GCNT3: variants seen among roughly 807,000 people sequenced by gnomAD.
GCNT3 encodes glucosaminyl (N-acetyl) transferase 3, mucin type, also known as beta-1,3-galactosyl-O-glycosyl-glycoprotein beta-1,6-N-acetylglucosaminyltransferase 3.
For synonymous variants in GCNT3, 269 were observed against 195.2 expected (o/e 1.38, Z -3.15); for missense variants, 708 against 530.3 (o/e 1.34, Z -3.29).
rs773494709 is a variant in GCNT3, at chr15:59,618,741, C to A, written c.503C>A (p.Ser168Tyr). 6.2e-7 allele frequency: 1 copy of A among 1,613,960 alleles called. No individual in the cohort carries two copies. The highest frequency in any genetic ancestry group is 1.3e-5 in the African/African-American group (1 of 74,880). Reference protein sequence around the residue: ...NIYCVHVDEKSPETFKEAVKA... With the variant: ...NIYCVHVDEKYPETFKEAVKA... ...TACTGTGTCCATGTGGATGAGAAGTCCCCAGAAACTTTCAAAGAGGCGGTC... is the reference window on the plus strand; with the variant it reads ...TACTGTGTCCATGTGGATGAGAAGTACCCAGAAACTTTCAAAGAGGCGGTC... The change falls in exon 3 of 3, where the codon TCC becomes TAC. Residue 168 changes from serine (S) to tyrosine (Y), a missense_variant. Transcript: ENST00000396065.
At position 59,619,459 on chromosome 15, in the gene GCNT3, G is replaced by T. The variant is rs1354884797; in HGVS notation, c.1221G>T (p.Leu407=). 4 of 1,614,036 alleles carry T rather than the reference G, an allele frequency of 2.5e-6. No individual in the cohort carries two copies. The highest frequency in any genetic ancestry group is 3.4e-6 in the Non-Finnish European group (4 of 1,180,026). Residue 407 remains leucine (L), a synonymous_variant, in exon 3 of 3, where the codon CTG becomes CTT. Transcript: ENST00000396065. ...DLNWMLQNHH[L]LANKFDPKVD... is the part of the protein sequence containing the mutation. ...ATTGGATGCTTCAAAACCATCACCTGTTGGCCAACAAGTTTGACCCAAAGG... is the reference window on the plus strand; with the variant it reads ...ATTGGATGCTTCAAAACCATCACCTTTTGGCCAACAAGTTTGACCCAAAGG...
Position 59,618,179 on chromosome 15 carries a change from G to T in GCNT3, c.-60G>T. Reference sequence around the variant, plus strand: ...CTGGAGGCATTTTGTTCTGTCCAAGGATTGTGTCCTCCTCCACCTTCCCTG... The same window carrying T: ...CTGGAGGCATTTTGTTCTGTCCAAGTATTGTGTCCTCCTCCACCTTCCCTG... On this transcript the variant is annotated splice_region_variant and 5_prime_UTR_variant, in exon 3 of 3. Coordinates refer to ENST00000396065, the MANE Select transcript of GCNT3 (RefSeq NM_004751.3). 1 of 923,874 alleles carries T rather than the reference G, an allele frequency of 1.1e-6. No homozygotes were observed. The highest frequency in any genetic ancestry group is 2.3e-5 in the Admixed American group (1 of 43,900). The allele number at this position is 923,874 out of a possible 1,614,324, so 57.2% of individuals were successfully genotyped here.
chr15:59,615,764 T>C (rs1342407433), intron 1 of GCNT3, among the ~76,000 whole-genome samples: 3 of 151,448 alleles, frequency 2.0e-5, no homozygotes, highest in Admixed American at 6.6e-5. Context: ...GGTGTGTGCC[T>C]GTGGTCCCAG....
chr15:59,618,559 C>T lies in GCNT3; in HGVS notation c.321C>T (p.Thr107=). ...PFTDTHYLSL[T]RDCEHFKAER... is the part of the protein sequence containing the mutation. ...CAGACACCCACTACCTCTCCCTCAC[C>T]AGAGACTGTGAGCACTTCAAGGCTG... The change falls in exon 3 of 3, where the codon ACC becomes ACT. Residue 107 remains threonine (T), a synonymous_variant. Coordinates refer to ENST00000396065, the MANE Select transcript of GCNT3 (RefSeq NM_004751.3). 6.2e-7 allele frequency: 1 copy of T among 1,614,100 alleles called. No individual in the cohort carries two copies. The highest frequency in any genetic ancestry group is 8.5e-7 in the Non-Finnish European group (1 of 1,179,978).
chr15:59,612,758 C>T (rs531831561), intron 1 of GCNT3, among the ~76,000 whole-genome samples: 3 of 152,218 alleles, frequency 2.0e-5, no homozygotes, highest in South Asian at 2.1e-4. Context: ...GCCTCACCCC[C>T]GATCTTCCTG....
rs72144814 is a variant in GCNT3 at position 59,621,586 on chromosome 15, A to ATTTTTTTTTTTTTTTTTTTTTT, written c.*2036_*2037insTTTTTTTTTTTTTTTTTTTTTT. 2.2e-5 allele frequency: 2 copies of ATTTTTTTTTTTTTTTTTTTTTT among 90,846 alleles called. No individual in the cohort carries two copies. The highest frequency in any genetic ancestry group is 4.0e-5 in the Non-Finnish European group (2 of 50,212). 5.6% of individuals were successfully genotyped at this position (90,846 alleles called of 1,614,324 possible). On this transcript the variant is annotated 3_prime_UTR_variant, in exon 3 of 3. Transcript: ENST00000396065. ...TCATTAATATGTTTCTTCCTTTCTG[A>ATTTTTTTTTTTTTTTTTTTTTT]TTTTTGTTTTTTTTTTTTTTTTTGA...
Position 59,616,724 on chromosome 15 carries a change from A to T in GCNT3, c.-218A>T, listed in dbSNP as rs1479472568. The T allele has an allele frequency of 6.6e-6, 1 of 152,180 alleles. No homozygotes were observed. The highest frequency in any genetic ancestry group is 1.5e-5 in the Non-Finnish European group (1 of 68,050). The allele number at this position is 152,180 out of a possible 1,614,324, so 9.4% of individuals were successfully genotyped here. ...AGAGGAGCCTGAAACTGTTCCTTGG[A>T]CATCTTATGAATGTCAGAAAATACC... On this transcript the variant is annotated 5_prime_UTR_variant, in exon 2 of 3. Coordinates refer to ENST00000396065, the MANE Select transcript of GCNT3 (RefSeq NM_004751.3).
In GCNT3 at chr15:59,618,314, G is replaced by C. The variant is rs773334215; in HGVS notation, c.76G>C (p.Ala26Pro). 1.2e-6 allele frequency: 2 copies of C among 1,613,584 alleles called. No individual in the cohort carries two copies. Among genetic ancestry groups the C allele is most frequent in the East Asian group, 4.5e-5 (2 of 44,880 alleles). ...LGCYMLLATV[A>P]LKLSFRLKCD... ...CTGCTATATGCTGCTGGCCACTGTG[G>C]CTCTGAAACTTTCTTTCAGGTTGAA... Residue 26 changes from alanine (A) to proline (P), a missense_variant, in exon 3 of 3, where the codon GCT becomes CCT. Transcript: ENST00000396065.
chr15:59,619,441 G>T lies in GCNT3; in HGVS notation c.1203G>T (p.Met401Ile). 1 of 1,614,122 alleles carries T rather than the reference G, an allele frequency of 6.2e-7. No homozygotes were observed. Among genetic ancestry groups the T allele is most frequent in the Non-Finnish European group, 8.5e-7 (1 of 1,180,000 alleles). The change falls in exon 3 of 3, where the codon ATG becomes ATT. Residue 401 changes from methionine to isoleucine, a missense_variant. Met to Ile is a conservative substitution (Grantham distance 10). Transcript: ENST00000396065. ...ATGGGGCTGGGGACTTGAATTGGAT[G>T]CTTCAAAACCATCACCTGTTGGCCA... Reference protein sequence around the residue: ...CVYGAGDLNWMLQNHHLLANK... With the variant: ...CVYGAGDLNWILQNHHLLANK...
At position 59,620,387 on chromosome 15, in the gene GCNT3, T is replaced by G. The variant is rs767724339; in HGVS notation, c.*832T>G. 1 of 167,040 alleles carries G rather than the reference T, an allele frequency of 6.0e-6. No homozygotes were observed. The highest frequency in any genetic ancestry group is 2.1e-4 in the South Asian group (1 of 4,820). The allele number at this position is 167,040 out of a possible 1,614,324, so 10.3% of individuals were successfully genotyped here. ...TTCACCATATTCGCCAGGCTGGTCTTGAACTCCTGACCTTGTGATCTGCCC... is the reference window on the plus strand; with the variant it reads ...TTCACCATATTCGCCAGGCTGGTCTGGAACTCCTGACCTTGTGATCTGCCC... On this transcript the variant is annotated 3_prime_UTR_variant, in exon 3 of 3. Coordinates refer to ENST00000396065, the MANE Select transcript of GCNT3 (RefSeq NM_004751.3).
In GCNT3 at chr15:59,619,322, A is replaced by T; in HGVS notation, c.1084A>T (p.Arg362Trp). ...YDISDMTSIARLVKWQGHEGD... is the reference protein window; with the variant it reads ...YDISDMTSIAWLVKWQGHEGD... The stretch of plus-strand genomic sequence containing the variant: ...CATCTCAGACATGACTTCTATTGCC[A>T]GGCTGGTCAAGTGGCAGGGTCATGA... The change falls in exon 3 of 3, where the codon AGG becomes TGG. Residue 362 changes from arginine to tryptophan, a missense_variant. Physicochemically the swap from Arg to Trp is moderately radical, Grantham distance 101. Coordinates refer to ENST00000396065, the MANE Select transcript of GCNT3 (RefSeq NM_004751.3). The T allele has an allele frequency of 6.2e-7, 1 of 1,614,152 alleles. No homozygotes were observed. Among genetic ancestry groups the T allele is most frequent in the Non-Finnish European group, 8.5e-7 (1 of 1,180,034 alleles).
intron 1 of GCNT3, chr15:59,616,383 A>T (rs1229908634): frequency 2.0e-5 from 3 of 152,192 alleles, no homozygotes; most frequent in Non-Finnish European, 4.4e-5. Flanking sequence ...CTCCCAAACA[A>T]AAGAAGGGAG....
chr15:59,618,545 T>C lies in GCNT3; in HGVS notation c.307T>C (p.Tyr103His), dbSNP rs769806927. 6.2e-7 allele frequency: 1 copy of C among 1,614,030 alleles called. No homozygotes were observed. Among genetic ancestry groups the C allele is most frequent in the African/African-American group, 1.3e-5 (1 of 74,920 alleles). ...GCGAGAGCCTTTCACAGACACCCACTACCTCTCCCTCACCAGAGACTGTGA... is the reference window on the plus strand; with the variant it reads ...GCGAGAGCCTTTCACAGACACCCACCACCTCTCCCTCACCAGAGACTGTGA... The part of the protein sequence containing the change: ...KKREPFTDTH[Y>H]LSLTRDCEHF... Residue 103 changes from tyrosine to histidine, a missense_variant, in exon 3 of 3, where the codon TAC becomes CAC. Transcript: ENST00000396065.
At position 59,618,597 on chromosome 15, in the gene GCNT3, T is replaced by C. The variant is rs780346765; in HGVS notation, c.359T>C (p.Ile120Thr). The change falls in exon 3 of 3, where the codon ATA becomes ACA. Residue 120 changes from isoleucine (I) to threonine (T), a missense_variant. Ile to Thr is a moderately conservative substitution (Grantham distance 89). Transcript: ENST00000396065. ...CACTTCAAGGCTGAAAGGAAGTTCA[T>C]ACAGTTCCCACTGAGCAAAGAAGAG... ...CEHFKAERKFIQFPLSKEEVE... is the reference protein window; with the variant it reads ...CEHFKAERKFTQFPLSKEEVE... 3.7e-6 allele frequency: 6 copies of C among 1,614,056 alleles called. No homozygotes were observed. The South Asian group carries it at 6.6e-5, about 18-fold the overall frequency.
At chr15:59,617,262 T>C (rs2061837088) in intron 2 of GCNT3, among the ~76,000 whole-genome samples, 1 of 150,862 alleles carries the variant, frequency 6.6e-6, no homozygotes, top group African/African-American at 2.4e-5. Flanking sequence ...AAAAGAGCTA[T>C]AATACTTCCT....
chr15:59,616,615 C>T (rs1282076824), intron 1 of GCNT3, 77 bp from the exon 2 acceptor site: 1 of 152,216 alleles, frequency 6.6e-6, no homozygotes, highest in Non-Finnish European at 1.5e-5. Context: ...CATGATTTCT[C>T]TGAGCTTGCT....
Position 59,622,652 on chromosome 15 carries a change from T to G in GCNT3, c.*3097T>G, listed in dbSNP as rs1461290709. ...GAGAAAAGAACTTTGGCCTCATAGT[T>G]AACTTACTCCAAAAGCTTTCATGTG... On this transcript the variant is annotated 3_prime_UTR_variant, in exon 3 of 3. Coordinates refer to ENST00000396065, the MANE Select transcript of GCNT3 (RefSeq NM_004751.3). The G allele has an allele frequency of 1.3e-5, 2 of 152,348 alleles. No homozygotes were observed. The highest frequency in any genetic ancestry group is 2.9e-5 in the Non-Finnish European group (2 of 68,018). The allele number at this position is 152,348 out of a possible 1,614,324, so 9.4% of individuals were successfully genotyped here. A position where few individuals can be genotyped will look rare whatever the true frequency, so the allele number is the denominator to read the frequency against.
chr15:59,618,830 G>A lies in GCNT3; in HGVS notation c.592G>A (p.Ala198Thr). Reference sequence around the variant, plus strand: ...CAGTAAGCTGGTTCGGGTGGTTTATGCCTCCTGGTCCAGGGTGCAAGCTGA... The same window carrying A: ...CAGTAAGCTGGTTCGGGTGGTTTATACCTCCTGGTCCAGGGTGCAAGCTGA... ...IASKLVRVVY[A>T]SWSRVQADLN... The change falls in exon 3 of 3, where the codon GCC (alanine) becomes ACC (threonine). Residue 198 changes from alanine (A) to threonine (T), a missense_variant. Ala to Thr is a moderately conservative substitution (Grantham distance 58). Transcript: ENST00000396065. 3 of 1,614,168 alleles carry A rather than the reference G, an allele frequency of 1.9e-6. No individual in the cohort carries two copies. In the East Asian group the frequency reaches 6.7e-5, roughly 36 times the overall value.
chr15:59,618,429 C>G lies in GCNT3; in HGVS notation c.191C>G (p.Ala64Gly), dbSNP rs1595656631. 6.2e-7 allele frequency: 1 copy of G among 1,614,016 alleles called. No individual in the cohort carries two copies. The highest frequency in any genetic ancestry group is 8.5e-7 in the Non-Finnish European group (1 of 1,179,936). The stretch of plus-strand genomic sequence containing the variant: ...TTGTATAATTTCCTGAAACTTCCAG[C>G]AAAGAGGTCTATCAACTGTTCAGGG... Reference protein sequence around the residue: ...NILYNFLKLPAKRSINCSGVT... With the variant: ...NILYNFLKLPGKRSINCSGVT... Residue 64 changes from alanine (A) to glycine (G), a missense_variant, in exon 3 of 3, where the codon GCA becomes GGA. Physicochemically the swap from Ala to Gly is moderately conservative, Grantham distance 60. Transcript: ENST00000396065.
Sources: gnomAD v4.1 joint callset for allele counts (sites outside exome capture counted in the v4.1 genomes callset) on GRCh38, gnomAD v4.1.1 for gene constraint, MANE v1.5 for transcripts, NCBI Gene and HGNC (gene_info 2026-07-23, HGNC 2026-07-21) for gene names.